The following ST6GALNAC3 variants were observed in gnomAD, a reference collection of about 807,000 sequenced individuals.
The protein encoded by ST6GALNAC3 is alpha-N-acetylgalactosaminide alpha-2,6-sialyltransferase 3.
A neutral mutation model predicts 32.7 loss-of-function variants in ST6GALNAC3; 25 were observed. That is an observed-to-expected ratio of 0.76 (90% confidence interval 0.56 to 1.07). ST6GALNAC3 has a LOEUF of 1.07. Among genes scored for constraint, ST6GALNAC3 ranks in the 50% least tolerant of loss-of-function variants. ST6GALNAC3 has a pLI of 0.00. For synonymous variants in ST6GALNAC3, 129 were observed against 133.1 expected (o/e 0.97, Z 0.21); for missense variants, 355 against 382.4 (o/e 0.93, Z 0.60).
At chr1:76,079,076 C>T (rs1646855332) in intron 1 of ST6GALNAC3, among the ~76,000 whole-genome samples, 1 of 152,212 alleles carries the variant, frequency 6.6e-6, no homozygotes, top group South Asian at 2.1e-4. Context: ...GCCATCGTGC[C>T]TGGCCTAGGA....
intron 3 of ST6GALNAC3, 140 bp downstream of exon 3, chr1:76,412,557 A>G: frequency 1.0e-6 from 1 of 958,664 alleles, no homozygotes. Context: ...TGATTACTTG[A>G]TAAGCCAGCC....
At chr1:76,219,183 C>T (rs1192374090) in intron 1 of ST6GALNAC3, among the ~76,000 whole-genome samples, 2 of 152,180 alleles carry the variant, frequency 1.3e-5, no homozygotes, top group African/African-American at 4.8e-5. Context: ...TGGGATATTT[C>T]GCATTTGCAG....
intron 3 of ST6GALNAC3, among the ~76,000 whole-genome samples, chr1:76,574,433 T>C (rs1646767775): frequency 6.6e-6 from 1 of 152,082 alleles, no homozygotes; most frequent in Admixed American, 6.6e-5. Context: ...CTATTATCTA[T>C]ACTACACTCC....
intron 1 of ST6GALNAC3, among the ~76,000 whole-genome samples, chr1:76,166,305 AGTT>A (rs1652123699): frequency 6.6e-6 from 1 of 152,014 alleles, no homozygotes; most frequent in South Asian, 2.1e-4. Context: ...AATATCAGAT[AGTT>A]GTAGGTGTAT....
chr1:76,248,364 T>C (rs76292842), intron 1 of ST6GALNAC3, among the ~76,000 whole-genome samples: 3,424 of 152,272 alleles, frequency 0.022, 139 homozygotes, highest in African/African-American at 0.078. Flanking sequence ...CTTTTCAATA[T>C]CACCATCTCC....
intron 3 of ST6GALNAC3, among the ~76,000 whole-genome samples, chr1:76,520,478 A>G (rs1662453509): frequency 6.6e-6 from 1 of 152,100 alleles, no homozygotes; most frequent in Non-Finnish European, 1.5e-5. Context: ...ATACACACAC[A>G]TACACACATA....
chr1:76,477,228 AT>A (rs11337512), intron 3 of ST6GALNAC3, among the ~76,000 whole-genome samples: 145,209 of 150,658 alleles, frequency 0.96, 69,998 homozygotes, highest in South Asian at 0.99. Flanking sequence ...TTCATCCAGC[AT>A]TTTTTTTTTT....
chr1:76,249,651 C>T (rs1403882104), intron 1 of ST6GALNAC3, among the ~76,000 whole-genome samples: 1 of 152,122 alleles, frequency 6.6e-6, no homozygotes, highest in Non-Finnish European at 1.5e-5. Flanking sequence ...AAAAGTGTTG[C>T]ATCATATGGT....
At chr1:76,467,383 C>A (rs1658709180) in intron 3 of ST6GALNAC3, among the ~76,000 whole-genome samples, 1 of 151,886 alleles carries the variant, frequency 6.6e-6, no homozygotes, top group Admixed American at 6.6e-5. Context: ...TATAGGTGAT[C>A]CATCCCTGCT....
At chr1:76,412,524 A>T in intron 3 of ST6GALNAC3, 107 bp downstream of exon 3, 1 of 1,194,286 alleles carries the variant, frequency 8.4e-7, no homozygotes, top group South Asian at 1.6e-5. Flanking sequence ...ATTTACGCTG[A>T]TTGTTATATG....
intron 3 of ST6GALNAC3, among the ~76,000 whole-genome samples, chr1:76,436,018 C>T (rs1289486685): frequency 2.0e-5 from 3 of 152,072 alleles, no homozygotes; most frequent in Non-Finnish European, 4.4e-5. Flanking sequence ...CCCTCACTCC[C>T]TTCCCACCCT....
intron 1 of ST6GALNAC3, among the ~76,000 whole-genome samples, chr1:76,123,997 C>T (rs1354251198): frequency 3.3e-5 from 5 of 152,104 alleles, no homozygotes; most frequent in African/African-American, 1.2e-4. Flanking sequence ...GTGATCCACC[C>T]ACCTCAGCTT....
chr1:76,313,911 A>G lies in ST6GALNAC3; in HGVS notation c.125A>G (p.Gln42Arg), dbSNP rs1250004074. 3 of 1,613,534 alleles carry G rather than the reference A, an allele frequency of 1.9e-6. No individual in the cohort carries two copies. Among genetic ancestry groups the G allele is most frequent in the Non-Finnish European group, 2.5e-6 (3 of 1,179,732 alleles). The part of the protein sequence containing the change: ...NFPLLLNCFG[Q>R]PGTKWIPFSY... The stretch of plus-strand genomic sequence containing the variant: ...CCATTGCTACTAAACTGCTTTGGAC[A>G]ACCTGGTACAAAGTGGATACCATTC... Residue 42 changes from glutamine (Q) to arginine (R), a missense_variant, in exon 2 of 5, where the codon CAA becomes CGA. Physicochemically the swap from Gln to Arg is conservative, Grantham distance 43. Coordinates refer to ENST00000328299, the MANE Select transcript of ST6GALNAC3 (RefSeq NM_152996.4).
chr1:76,632,237 CT>C lies in ST6GALNAC3; in HGVS notation c.*3432del, dbSNP rs1309468166. 1 of 152,070 alleles carries C rather than the reference CT, an allele frequency of 6.6e-6. No individual in the cohort carries two copies. Among genetic ancestry groups the C allele is most frequent in the Non-Finnish European group, 1.5e-5 (1 of 67,992 alleles). The allele number at this position is 152,070 out of a possible 1,614,324, so 9.4% of individuals were successfully genotyped here. A position where few individuals can be genotyped will look rare whatever the true frequency, so the allele number is the denominator to read the frequency against. On this transcript the variant is annotated 3_prime_UTR_variant, in exon 5 of 5. Transcript: ENST00000328299. ...AAAGCAAAAATCCAAATTAAATGGA[CT>C]GATTGCTAAGAGTACGTAAAATCAT...
chr1:76,313,065 C>T (rs578255740), intron 1 of ST6GALNAC3, among the ~76,000 whole-genome samples: 4 of 152,040 alleles, frequency 2.6e-5, no homozygotes, highest in African/African-American at 9.6e-5. Flanking sequence ...CCTCTTGTTA[C>T]TTTTTTGAAT....
At chr1:76,099,207 C>T (rs1478721254) in intron 1 of ST6GALNAC3, among the ~76,000 whole-genome samples, 1 of 152,082 alleles carries the variant, frequency 6.6e-6, no homozygotes, top group Non-Finnish European at 1.5e-5. Context: ...GCCAAACCTC[C>T]CACCTTGCTG....
chr1:76,094,747 C>G (rs778982589), intron 1 of ST6GALNAC3, among the ~76,000 whole-genome samples: 3 of 152,204 alleles, frequency 2.0e-5, no homozygotes, highest in Non-Finnish European at 2.9e-5. Flanking sequence ...TTTGCCACCA[C>G]AGAAACTATG....
intron 1 of ST6GALNAC3, among the ~76,000 whole-genome samples, chr1:76,111,901 T>A (rs1183498068): frequency 6.6e-6 from 1 of 152,196 alleles, no homozygotes; most frequent in Non-Finnish European, 1.5e-5. Flanking sequence ...CCCCCCTTTC[T>A]ATTCCACAAA....
chr1:76,391,523 CCTT>C (rs1652549862), intron 2 of ST6GALNAC3, among the ~76,000 whole-genome samples: 1 of 1,680 alleles, frequency 6.0e-4, no homozygotes, highest in African/African-American at 1.3e-3. Flanking sequence ...TTAGGAAAGA[CCTT>C]CCTTCCTTCC....
Sources: allele counts gnomAD v4.1 joint callset (sites outside exome capture counted in the v4.1 genomes callset), GRCh38; gene constraint gnomAD v4.1.1; transcripts MANE v1.5; gene names NCBI Gene and HGNC (gene_info 2026-07-23, HGNC 2026-07-21).